The following G2E3 variants were observed in gnomAD, a reference collection of about 807,000 sequenced individuals.
G2E3 encodes G2/M-phase specific E3 ubiquitin protein ligase.
In G2E3, 35 loss-of-function variants were observed where a neutral mutation model predicts 92.8. The observed-to-expected ratio is 0.38, with a 90% CI of 0.29 to 0.50. The LOEUF is 0.50. G2E3 is among the 20% of genes least tolerant of loss of function. G2E3 has a pLI of 0.94. For missense variants in G2E3, 554 were observed against 823.8 expected (o/e 0.67, Z 4.01); for synonymous variants, 242 against 272.4 (o/e 0.89, Z 1.10).
chr14:30,579,115 G>A (rs577779943), intron 1 of G2E3, among the ~76,000 whole-genome samples: 8 of 151,958 alleles, frequency 5.3e-5, no homozygotes, highest in South Asian at 2.1e-4. Flanking sequence ...CATCAAAAGC[G>A]CCATCGTATA....
intron 1 of G2E3, among the ~76,000 whole-genome samples, chr14:30,562,581 G>A (rs1879170566): frequency 6.6e-6 from 1 of 152,056 alleles, no homozygotes; most frequent in Non-Finnish European, 1.5e-5. Context: ...CCGCTACTTA[G>A]CAGACCGGGA....
chr14:30,612,127 A>T (rs1393644044), intron 12 of G2E3, 80 bp from the exon 13 acceptor site: 3 of 977,530 alleles, frequency 3.1e-6, no homozygotes, highest in Non-Finnish European at 4.7e-6. Flanking sequence ...TTTGAGTATA[A>T]ATTAACAAGT....
Position 30,589,369 on chromosome 14 carries a change from G to A in G2E3, c.136-14G>A, listed in dbSNP as rs769759019. ...TTCTTAGAGTTTATTTTCTAATTGAGAATATATTCATAGTTGATGTCAAGT... is the reference window on the plus strand; with the variant it reads ...TTCTTAGAGTTTATTTTCTAATTGAAAATATATTCATAGTTGATGTCAAGT... On this transcript the variant is annotated splice_polypyrimidine_tract_variant and intron_variant, in intron 3 of 14. Transcript: ENST00000206595. 1.4e-6 allele frequency: 2 copies of A among 1,417,200 alleles called. No homozygotes were observed. The highest frequency in any genetic ancestry group is 4.6e-5 in the East Asian group (2 of 43,798). The allele number at this position is 1,417,200 out of a possible 1,614,324, so 87.8% of individuals were successfully genotyped here.
chr14:30,565,040 T>C (rs1219851014), intron 1 of G2E3, among the ~76,000 whole-genome samples: 1 of 152,230 alleles, frequency 6.6e-6, no homozygotes, highest in African/African-American at 2.4e-5. Flanking sequence ...TAATGTGTTG[T>C]GGAATTGCCA....
At chr14:30,599,061 CCTCCCTCCTTGG>C (rs1881431729) in intron 8 of G2E3, among the ~76,000 whole-genome samples, 1 of 152,102 alleles carries the variant, frequency 6.6e-6, no homozygotes, top group South Asian at 2.1e-4. Context: ...TTTTCTGAGG[CCTCCCTCCTTGG>C]CTTGCAGATG....
rs754868758 is a variant in G2E3, at chr14:30,597,563, T to C, written c.635+37T>C. On this transcript the variant is annotated intron_variant, in intron 7 of 14. Coordinates refer to ENST00000206595, the MANE Select transcript of G2E3 (RefSeq NM_017769.5). Reference sequence around the variant, plus strand: ...TTAGCCTTATGATAAAAAAAAGATATTTTAAATGTAGGATTTAATAGCAAT... The same window carrying C: ...TTAGCCTTATGATAAAAAAAAGATACTTTAAATGTAGGATTTAATAGCAAT... 2.4e-5 allele frequency: 25 copies of C among 1,042,952 alleles called. No homozygotes were observed. The East Asian group carries it at 4.3e-4, about 18-fold the overall frequency. The allele number at this position is 1,042,952 out of a possible 1,614,324, so 64.6% of individuals were successfully genotyped here.
In G2E3 at chr14:30,563,846, A is replaced by G. The variant is rs574463609; in HGVS notation, c.-5+4574A>G. On this transcript the variant is annotated intron_variant, in intron 1 of 14. Coordinates refer to ENST00000206595, the MANE Select transcript of G2E3 (RefSeq NM_017769.5). Reference sequence around the variant, plus strand: ...GTGATTCTCCTGCCTCAACCTCCTGAGTAGCTGGATTACAGGCACCTGCCA... The same window carrying G: ...GTGATTCTCCTGCCTCAACCTCCTGGGTAGCTGGATTACAGGCACCTGCCA... Among the ~76,000 whole-genome samples, 9 of 151,810 alleles carry G rather than the reference A, an allele frequency of 5.9e-5. No individual in the cohort carries two copies. The East Asian group carries it at 1.7e-3, about 30-fold the overall frequency.
intron 2 of G2E3, among the ~76,000 whole-genome samples, chr14:30,585,103 G>A (rs1033468835): frequency 1.3e-5 from 2 of 152,146 alleles, no homozygotes; most frequent in South Asian, 4.2e-4. Context: ...CAAAGTGCTA[G>A]GATTATAGGC....
chr14:30,562,186 C>T (rs1284792906), intron 1 of G2E3, among the ~76,000 whole-genome samples: 1 of 152,020 alleles, frequency 6.6e-6, no homozygotes, highest in Admixed American at 6.6e-5. Flanking sequence ...CGGCAAGCCA[C>T]CCAGGTGCCG....
intron 2 of G2E3, among the ~76,000 whole-genome samples, chr14:30,585,171 A>G (rs1422487950): frequency 2.0e-5 from 3 of 152,142 alleles, no homozygotes; most frequent in African/African-American, 4.8e-5. Context: ...TTACATTTTA[A>G]TGAAGTCCAA....
chr14:30,602,707 G>C (rs2138884107), intron 10 of G2E3: 1 of 152,232 alleles, frequency 6.6e-6, no homozygotes, highest in Non-Finnish European at 1.5e-5. Flanking sequence ...GACCTCCTGG[G>C]CACAAGTGAT....
At position 30,605,686 on chromosome 14, in the gene G2E3, A is replaced by T. The variant is rs1881800536; in HGVS notation, c.1192A>T (p.Asn398Tyr). The change falls in exon 11 of 15, where the codon AAT becomes TAT. Residue 398 changes from asparagine to tyrosine, a missense_variant. Physicochemically the swap from Asn to Tyr is moderately radical, Grantham distance 143 (BLOSUM62 -2). Coordinates refer to ENST00000206595, the MANE Select transcript of G2E3 (RefSeq NM_017769.5). ...AATTGAAGTAGCATATGTTATTGAAAATGATAATTTTGGAAGTGAGCATCC... is the reference window on the plus strand; with the variant it reads ...AATTGAAGTAGCATATGTTATTGAATATGATAATTTTGGAAGTGAGCATCC... The part of the protein sequence containing the change: ...YAIEVAYVIE[N>Y]DNFGSEHPGS... 1 of 1,610,080 alleles carries T rather than the reference A, an allele frequency of 6.2e-7. No homozygotes were observed.
chr14:30,615,868 T>G (rs1882289483), intron 14 of G2E3, among the ~76,000 whole-genome samples: 1 of 152,186 alleles, frequency 6.6e-6, no homozygotes, highest in African/African-American at 2.4e-5. Flanking sequence ...GAAGTTAAAC[T>G]AAATTATTCT....
chr14:30,599,733 T>C (rs1313093242), intron 8 of G2E3, among the ~76,000 whole-genome samples: 1 of 152,142 alleles, frequency 6.6e-6, no homozygotes, highest in African/African-American at 2.4e-5. Flanking sequence ...TTGAACAAAA[T>C]TATAACATTT....
intron 1 of G2E3, among the ~76,000 whole-genome samples, chr14:30,562,586 C>G (rs185152086): frequency 2.4e-3 from 368 of 152,134 alleles, no homozygotes; most frequent in Non-Finnish European, 3.8e-3. Flanking sequence ...ACTTAGCAGA[C>G]CGGGAAAGGG....
At chr14:30,609,935 C>T (rs1036366311) in intron 12 of G2E3, among the ~76,000 whole-genome samples, 6 of 152,130 alleles carry the variant, frequency 3.9e-5, no homozygotes, top group African/African-American at 1.4e-4. Flanking sequence ...CTCAAATTTT[C>T]CCTAGGCTTA....
rs1881795774 is a variant in G2E3 at position 30,605,597 on chromosome 14, A to C, written c.1103A>C (p.Lys368Thr). 2.6e-6 allele frequency: 4 copies of C among 1,561,214 alleles called. No individual in the cohort carries two copies. Among genetic ancestry groups the C allele is most frequent in the Non-Finnish European group, 3.5e-6 (4 of 1,136,768 alleles). ...AAAACTAAAAGATTGTATATCAACA[A>C]AGCCAATATCTGGAATAGTGCCTTA... ...KKKTKRLYINKANIWNSALDA... is the reference protein window; with the variant it reads ...KKKTKRLYINTANIWNSALDA... Residue 368 changes from lysine (K) to threonine (T), a missense_variant, in exon 11 of 15, where the codon AAA becomes ACA. Physicochemically the swap from Lys to Thr is moderately conservative, Grantham distance 78. This residue lies in a region of G2E3 where 397 missense variants were observed against 560.3 expected (regional missense o/e 0.71). Coordinates refer to ENST00000206595, the MANE Select transcript of G2E3 (RefSeq NM_017769.5).
At chr14:30,575,612 GA>G (rs1355315484) in intron 1 of G2E3, among the ~76,000 whole-genome samples, 1 of 152,166 alleles carries the variant, frequency 6.6e-6, no homozygotes, top group African/African-American at 2.4e-5. Context: ...TCTGTATCTA[GA>G]AAACCCCTTA....
chr14:30,575,938 T>C (rs908159593), intron 1 of G2E3, among the ~76,000 whole-genome samples: 19 of 152,166 alleles, frequency 1.2e-4, no homozygotes, highest in African/African-American at 4.3e-4. Context: ...AAATGGCTAT[T>C]GTGCCCAAAA....
Sources: allele counts gnomAD v4.1 joint callset (sites outside exome capture counted in the v4.1 genomes callset), GRCh38; gene constraint gnomAD v4.1.1; regional missense constraint gnomAD v4.1.1; transcripts MANE v1.5; gene names NCBI Gene and HGNC (gene_info 2026-07-23, HGNC 2026-07-21).